The following SENP1 variants were observed in gnomAD, a reference collection of about 807,000 sequenced individuals.
SENP1 encodes SUMO specific peptidase 1.
Under a neutral mutation model 93.0 loss-of-function variants are expected in SENP1, and 21 were observed. That is an observed-to-expected ratio of 0.23 (90% CI 0.16 to 0.33). SENP1 has a LOEUF of 0.33. Among genes scored for constraint, SENP1 ranks in the 10% least tolerant of loss-of-function variants. The pLI, the probability that SENP1 is intolerant of heterozygous loss-of-function variation, is 1.00. For missense variants in SENP1, 591 were observed against 758.7 expected, an observed-to-expected ratio of 0.78 and a Z score of 2.60; for synonymous variants, 256 against 259.6, an observed-to-expected ratio of 0.99 and a Z score of 0.13.
intron 13 of SENP1, among the ~76,000 whole-genome samples, chr12:48,057,402 G>T (rs1440061425): frequency 6.8e-6 from 1 of 147,638 alleles, no homozygotes; most frequent in African/African-American, 2.5e-5. Flanking sequence ...GCTAATTTTT[G>T]TATTTTTAGT....
chr12:48,050,949 GA>G (rs1396575813), intron 13 of SENP1, among the ~76,000 whole-genome samples: 1 of 152,018 alleles, frequency 6.6e-6, no homozygotes, highest in African/African-American at 2.4e-5. Flanking sequence ...ATTCCAACAA[GA>G]AATAAGGACT....
intron 15 of SENP1, 133 bp from the exon 16 acceptor site, chr12:48,047,195 C>A (rs117547974): frequency 0.01 from 5,875 of 586,622 alleles, 48 homozygotes; most frequent in South Asian, 0.017. Flanking sequence ...GTATATAATA[C>A]TGGGCAGGGA....
intron 13 of SENP1, chr12:48,054,979 T>C (rs1942117155): frequency 4.5e-6 from 1 of 222,180 alleles, no homozygotes; most frequent in Non-Finnish European, 9.5e-6. Flanking sequence ...TAAGATGAAC[T>C]GGATGACACA....
In SENP1 at chr12:48,098,015, C is replaced by T. The variant is rs375771915; in HGVS notation, c.114G>A (p.Gln38=). 1.1e-5 allele frequency: 18 copies of T among 1,613,572 alleles called. No individual in the cohort carries two copies. The highest frequency in any genetic ancestry group is 1.2e-5 in the Non-Finnish European group (14 of 1,179,734). Reference sequence around the variant, plus strand: ...TAACCTGCTGGTCAGAAAGCGAAAGCTGGTCCTCTGGAAAACCTGTTTGTG... The same window carrying T: ...TAACCTGCTGGTCAGAAAGCGAAAGTTGGTCCTCTGGAAAACCTGTTTGTG... The part of the protein sequence containing the change: ...LLPQTGFPED[Q]LSLSDQQILS... The change falls in exon 3 of 18, where the codon CAG becomes CAA. Residue 38 remains glutamine (Q), a synonymous_variant. Transcript: ENST00000549518.
intron 11 of SENP1, 59 bp from the exon 12 acceptor site, chr12:48,065,279 T>C: frequency 3.8e-6 from 5 of 1,315,482 alleles, no homozygotes; most frequent in Non-Finnish European, 5.2e-6. Context: ...TTCCTTGATT[T>C]ATGATAGGGT....
intron 8 of SENP1, among the ~76,000 whole-genome samples, chr12:48,072,630 A>G (rs1405449011): frequency 6.6e-6 from 1 of 152,072 alleles, no homozygotes; most frequent in Non-Finnish European, 1.5e-5. Flanking sequence ...AAACAAACAA[A>G]AACAAAAACA....
At chr12:48,101,362 ATT>A in intron 2 of SENP1, 105 bp downstream of exon 2, 1 of 838,766 alleles carries the variant, frequency 1.2e-6, no homozygotes, top group Admixed American at 2.9e-5. Context: ...TAAAATTATT[ATT>A]AAGCACAAAG....
intron 6 of SENP1, among the ~76,000 whole-genome samples, chr12:48,082,383 C>T (rs1944551146): frequency 6.6e-6 from 1 of 152,172 alleles, no homozygotes; most frequent in African/African-American, 2.4e-5. Flanking sequence ...TAACAGAAAG[C>T]ATACTTGACC....
intron 9 of SENP1, among the ~76,000 whole-genome samples, chr12:48,070,663 A>C (rs1204370037): frequency 6.6e-6 from 1 of 152,240 alleles, no homozygotes; most frequent in East Asian, 1.9e-4. Context: ...TACCATAGTA[A>C]GGAGCCTGAG....
chr12:48,064,920 A>G (rs1592345980), intron 12 of SENP1, 145 bp downstream of exon 12: 5 of 591,546 alleles, frequency 8.5e-6, no homozygotes, highest in Non-Finnish European at 1.2e-5. Flanking sequence ...CAAGTGATCC[A>G]CCCGCTTCAG....
At chr12:48,081,452 A>G (rs113862348) in intron 6 of SENP1, 1 of 151,958 alleles carries the variant, frequency 6.6e-6, no homozygotes, top group African/African-American at 2.4e-5. Context: ...TCTCCTTTTC[A>G]TCATTGTTGT....
intron 5 of SENP1, among the ~76,000 whole-genome samples, chr12:48,086,680 C>T (rs1363160835): frequency 6.6e-6 from 1 of 151,980 alleles, no homozygotes; most frequent in Admixed American, 6.6e-5. Context: ...AATGATACCA[C>T]GAGGAAGCAA....
chr12:48,065,498 A>G, intron 11 of SENP1, 98 bp downstream of exon 11: 2 of 778,648 alleles, frequency 2.6e-6, no homozygotes, highest in Non-Finnish European at 4.2e-6. Context: ...CGATCTTGGA[A>G]TTACAACAGC....
At chr12:48,056,175 ATATATATTATTTAATATATAG>A (rs1942290197) in intron 13 of SENP1, among the ~76,000 whole-genome samples, 1 of 113,586 alleles carries the variant, frequency 8.8e-6, no homozygotes, top group Non-Finnish European at 1.6e-5. Flanking sequence ...ATATTATTTT[ATATATATTATTTAATATATAG>A]TATATATTAT....
intron 4 of SENP1, among the ~76,000 whole-genome samples, chr12:48,094,551 G>C (rs1945428131): frequency 6.6e-6 from 1 of 152,046 alleles, no homozygotes; most frequent in Non-Finnish European, 1.5e-5. Flanking sequence ...ATGGTGGCAG[G>C]CAGCTGTAAT....
At position 48,066,805 on chromosome 12, in the gene SENP1, C is replaced by A. The variant is rs562722489; in HGVS notation, c.1034+122G>T. 1.5e-3 allele frequency: 1,195 copies of A among 782,390 alleles called. 3 individuals carry two copies. The highest frequency in any genetic ancestry group is 1.8e-3 in the Non-Finnish European group (849 of 462,124). 48.5% of individuals were successfully genotyped at this position (782,390 alleles called of 1,614,324 possible). A position where few individuals can be genotyped will look rare whatever the true frequency, so the allele number is the denominator to read the frequency against. ...GGAATTACAGGCGTGAGCCACCGCG[C>A]CCAGCCTAAACAGGTACTTCTTATT... is the stretch of plus-strand genomic sequence containing the variant. On this transcript the variant is annotated intron_variant, in intron 10 of 17. Coordinates refer to ENST00000549518, the MANE Select transcript of SENP1 (RefSeq NM_001267594.2).
intron 5 of SENP1, chr12:48,088,535 AT>A: frequency 2.4e-6 from 1 of 415,444 alleles, no homozygotes; most frequent in South Asian, 3.2e-5. Context: ...CAAGAGCCAT[AT>A]TGATCTTGAA....
chr12:48,088,666 G>T, intron 5 of SENP1, 135 bp downstream of exon 5: 1 of 781,524 alleles, frequency 1.3e-6, no homozygotes, highest in Non-Finnish European at 2.1e-6. Context: ...AAATGGATTT[G>T]TTCATATCCT....
chr12:48,075,035 C>G (rs766519172), intron 6 of SENP1, among the ~76,000 whole-genome samples: 1 of 151,252 alleles, frequency 6.6e-6, no homozygotes, highest in Admixed American at 6.6e-5. Context: ...AGTGAGACCC[C>G]AACTCTACAA....
Sources: gnomAD v4.1 joint callset for allele counts (sites outside exome capture counted in the v4.1 genomes callset) on GRCh38, gnomAD v4.1.1 for gene constraint, MANE v1.5 for transcripts, NCBI Gene and HGNC (gene_info 2026-07-23, HGNC 2026-07-21) for gene names.